The following CFAP54 variants were observed in gnomAD, a reference collection of about 807,000 sequenced individuals.
The protein encoded by CFAP54 is cilia- and flagella-associated protein 54.
A neutral mutation model predicts 370.4 loss-of-function variants in CFAP54; 290 were observed. That is an observed-to-expected ratio of 0.78 (90% CI 0.71 to 0.86). CFAP54 has a LOEUF of 0.86. Among genes scored for constraint, CFAP54 ranks in the 40% least tolerant of loss-of-function variants. CFAP54 has a pLI of 0.00. For synonymous variants in CFAP54, 1,206 were observed against 1,236.5 expected, an observed-to-expected ratio of 0.98 and a Z score of 0.52; for missense variants, 3,399 against 3,528.7, an observed-to-expected ratio of 0.96 and a Z score of 0.93.
chr12:96,817,476 A>C (rs941291124), intron 64 of CFAP54, among the ~76,000 whole-genome samples: 1 of 150,026 alleles, frequency 6.7e-6, no homozygotes, highest in African/African-American at 2.5e-5. Context: ...GCTGGAGTGC[A>C]GTGGCGCAAT....
In CFAP54 at chr12:96,657,874, A is replaced by G. The variant is rs372198969; in HGVS notation, c.5101-8A>G. On this transcript the variant is annotated splice_polypyrimidine_tract_variant and splice_region_variant and intron_variant, in intron 36 of 67. Transcript: ENST00000524981. ...TACACATTTTTTTTTTCACTGTGCT[A>G]CTTGCAGCCTATTGAAGACAAAGGA... is the stretch of plus-strand genomic sequence containing the variant. 1.9e-6 allele frequency: 3 copies of G among 1,578,250 alleles called. No homozygotes were observed. Among genetic ancestry groups the G allele is most frequent in the Non-Finnish European group, 2.6e-6 (3 of 1,156,966 alleles).
Position 96,580,926 on chromosome 12 carries a change from G to A in CFAP54, c.2896G>A (p.Ala966Thr). Reference protein sequence around the residue: ...HLPNSGEAIPADGKSVFEVKG... With the variant: ...HLPNSGEAIPTDGKSVFEVKG... ...AATATATTTTTCTTAATAGATACCA[G>A]CTGACGGTAAAAGTGTTTTTGAAGT... Residue 966 changes from alanine to threonine, a missense_variant, in exon 22 of 68, where the codon GCT (alanine) becomes ACT (threonine). Transcript: ENST00000524981. 1 of 1,496,308 alleles carries A rather than the reference G, an allele frequency of 6.7e-7. No homozygotes were observed. The allele number at this position is 1,496,308 out of a possible 1,614,324, so 92.7% of individuals were successfully genotyped here. A position where few individuals can be genotyped will look rare whatever the true frequency, so the allele number is the denominator to read the frequency against.
chr12:96,714,566 A>G (rs1385173532), intron 48 of CFAP54, among the ~76,000 whole-genome samples: 1 of 152,202 alleles, frequency 6.6e-6, no homozygotes, highest in Non-Finnish European at 1.5e-5. Context: ...GGATGAGTGA[A>G]CAAGGTGTTT....
At chr12:96,664,373 A>T in intron 39 of CFAP54, among the ~76,000 whole-genome samples, 1 of 152,064 alleles carries the variant, frequency 6.6e-6, no homozygotes, top group Admixed American at 6.6e-5. Context: ...ATAAGTGAGG[A>T]CATGTGGTAT....
Position 96,718,332 on chromosome 12 carries a change from C to G in CFAP54, c.6725-111C>G, listed in dbSNP as rs1048218620. 1.3e-5 allele frequency: 8 copies of G among 636,342 alleles called. No homozygotes were observed. The East Asian group carries it at 2.6e-4, about 21-fold the overall frequency. 39.4% of individuals were successfully genotyped at this position (636,342 alleles called of 1,614,324 possible). A position where few individuals can be genotyped will look rare whatever the true frequency, so the allele number is the denominator to read the frequency against. ...TGAGATTGTGCCACTGTGCTCCAGC[C>G]TGGGTGACAGAGCCAGACCCTGTCT... On this transcript the variant is annotated intron_variant, in intron 48 of 67. Transcript: ENST00000524981.
chr12:96,786,726 C>T lies in CFAP54; in HGVS notation c.8507C>T (p.Thr2836Ile). ...TCTTTGCCAGATGATACACTTCTCA[C>T]ATCCCTTTACAACTCTGAGTTGATT... ...GISLPDDTLL[T>I]SLYNSELILR... Residue 2836 changes from threonine to isoleucine, a missense_variant, in exon 62 of 68, where the codon ACA becomes ATA. Physicochemically the swap from Thr to Ile is moderately conservative, Grantham distance 89. Around this residue, in one of 3 missense-constraint regions of CFAP54, gnomAD observed 2,796 missense variants for 2,869.7 expected, o/e 0.97. Coordinates refer to ENST00000524981, the MANE Select transcript of CFAP54 (RefSeq NM_001306084.2). The T allele has an allele frequency of 6.5e-7, 1 of 1,535,940 alleles. No individual in the cohort carries two copies. Among genetic ancestry groups the T allele is most frequent in the East Asian group, 2.4e-5 (1 of 40,894 alleles).
At chr12:96,753,999 A>G (rs1357737377) in intron 56 of CFAP54, 101 bp downstream of exon 56, 2 of 1,199,358 alleles carry the variant, frequency 1.7e-6, no homozygotes, top group Non-Finnish European at 2.3e-6. Context: ...TATAAAAATT[A>G]CAAACATACA....
intron 62 of CFAP54, 78 bp downstream of exon 62, chr12:96,786,976 G>A: frequency 9.5e-7 from 1 of 1,054,406 alleles, no homozygotes; most frequent in Non-Finnish European, 1.3e-6. Context: ...AAACACATTA[G>A]CTTCCATGCT....
At chr12:96,663,796 C>A in intron 38 of CFAP54, 34 bp from the exon 39 acceptor site, 5 of 1,476,892 alleles carry the variant, frequency 3.4e-6, no homozygotes, top group South Asian at 1.2e-5. Context: ...TATAAATACC[C>A]GACTAATATT....
At chr12:96,854,423 G>T (rs1461676738) in intron 66 of CFAP54, among the ~76,000 whole-genome samples, 2 of 151,136 alleles carry the variant, frequency 1.3e-5, no homozygotes, top group Non-Finnish European at 3.0e-5. Flanking sequence ...TGGTTGAAAT[G>T]ATAATTGCCC....
chr12:96,525,765 A>G (rs1955373288), intron 8 of CFAP54, among the ~76,000 whole-genome samples: 1 of 152,206 alleles, frequency 6.6e-6, no homozygotes, highest in South Asian at 2.1e-4. Context: ...ATCTTGGCTC[A>G]CTGCAACCTC....
chr12:96,827,730 T>A (rs186419149), intron 65 of CFAP54, among the ~76,000 whole-genome samples: 5,453 of 119,674 alleles, frequency 0.046, 267 homozygotes, highest in South Asian at 0.17. Flanking sequence ...ATAATTATAT[T>A]TAATATAATT....
chr12:96,748,870 A>G (rs1338582486), intron 55 of CFAP54, among the ~76,000 whole-genome samples: 4 of 152,296 alleles, frequency 2.6e-5, no homozygotes, highest in Middle Eastern at 3.4e-3. Context: ...AGCACTTTCA[A>G]TCTGCAGATA....
chr12:96,684,248 C>A (rs1346946581), intron 40 of CFAP54, among the ~76,000 whole-genome samples: 1 of 152,132 alleles, frequency 6.6e-6, no homozygotes, highest in African/African-American at 2.4e-5. Flanking sequence ...GTCAGAGGCC[C>A]TCAGAATCTG....
intron 1 of CFAP54, among the ~76,000 whole-genome samples, chr12:96,494,490 A>C (rs1473118880): frequency 6.6e-6 from 1 of 151,294 alleles, no homozygotes; most frequent in Non-Finnish European, 1.5e-5. Flanking sequence ...TAGTAGAGAC[A>C]GGGTTTCACC....
At chr12:96,826,292 C>G (rs1175246170) in intron 65 of CFAP54, among the ~76,000 whole-genome samples, 11 of 75,422 alleles carry the variant, frequency 1.5e-4, no homozygotes, top group Admixed American at 2.6e-4. Context: ...ATATTCAAGA[C>G]ATATATATAT....
chr12:96,623,309 C>T (rs1271476382), intron 27 of CFAP54, among the ~76,000 whole-genome samples: 3 of 152,042 alleles, frequency 2.0e-5, no homozygotes, highest in Admixed American at 1.3e-4. Flanking sequence ...TTGCTGATCC[C>T]CTTAAGTTTC....
At chr12:96,750,285 T>TGCA (rs372696653) in intron 55 of CFAP54, among the ~76,000 whole-genome samples, 14,755 of 151,582 alleles carry the variant, frequency 0.097, 925 homozygotes, top group South Asian at 0.29. Context: ...ACCTGTCTCC[T>TGCA]GCAGCAGCAG....
intron 66 of CFAP54, among the ~76,000 whole-genome samples, chr12:96,830,239 T>C (rs914312275): frequency 6.6e-6 from 1 of 152,214 alleles, no homozygotes; most frequent in African/African-American, 2.4e-5. Context: ...CTGAATCATA[T>C]GGTAATTCTA....
Sources: allele counts gnomAD v4.1 joint callset (sites outside exome capture counted in the v4.1 genomes callset), GRCh38; gene constraint gnomAD v4.1.1; regional missense constraint gnomAD v4.1.1; transcripts MANE v1.5; gene names NCBI Gene and HGNC (gene_info 2026-07-23, HGNC 2026-07-21).